The following AASDH variants were observed in gnomAD, a reference collection of about 807,000 sequenced individuals.
AASDH encodes the protein beta-alanine-activating enzyme.
In AASDH, 81 loss-of-function variants were observed where a neutral mutation model predicts 102.3. That is an observed-to-expected ratio of 0.79 (90% confidence interval 0.66 to 0.95). The LOEUF is 0.95. Among genes scored for constraint, AASDH ranks in the 40% least tolerant of loss-of-function variants. The pLI is 0.00. For synonymous variants in AASDH, 398 were observed against 454.0 expected (o/e 0.88, Z 1.57); for missense variants, 1,203 against 1,266.2 (o/e 0.95, Z 0.76).
rs1313013144 is a variant in AASDH at position 56,349,863 on chromosome 4, CTGTT to C, written c.1884_1887del (p.Thr629TrpfsTer7). The C allele has an allele frequency of 6.2e-7, 1 of 1,614,170 alleles. No homozygotes were observed. Among genetic ancestry groups the C allele is most frequent in the Non-Finnish European group, 8.5e-7 (1 of 1,180,040 alleles). ...AATGTCACATCTTCATCTGGAACCA[CTGTT>C]TGAAGGATGTGATTATAAATCTCTA... On this transcript the variant is annotated frameshift_variant, in exon 11 of 15. Transcript: ENST00000205214. LOFTEE classifies it high-confidence loss of function.
At chr4:56,340,445 T>C (rs1246378917) in intron 14 of AASDH, among the ~76,000 whole-genome samples, 1 of 152,208 alleles carries the variant, frequency 6.6e-6, no homozygotes, top group Non-Finnish European at 1.5e-5. Context: ...CTTCAATGAA[T>C]GGTGCTGGGA....
At chr4:56,365,306 T>C (rs1278129160) in intron 5 of AASDH, among the ~76,000 whole-genome samples, 1 of 151,430 alleles carries the variant, frequency 6.6e-6, no homozygotes, top group African/African-American at 2.4e-5. Flanking sequence ...ATTAGACAGA[T>C]CACCGAGACA....
intron 3 of AASDH, among the ~76,000 whole-genome samples, chr4:56,378,889 A>T (rs60785066): frequency 0.023 from 2,410 of 103,026 alleles, 72 homozygotes; most frequent in African/African-American, 0.087. Context: ...TTTTTTATTT[A>T]TTTTTTTTTT....
At chr4:56,343,400 A>T (rs1312385079) in intron 13 of AASDH, among the ~76,000 whole-genome samples, 162 bp downstream of exon 13, 1 of 152,052 alleles carries the variant, frequency 6.6e-6, no homozygotes, top group African/African-American at 2.4e-5. Flanking sequence ...AAATTTTCTT[A>T]TCTTTCTAGA....
chr4:56,366,089 C>T (rs1030281731), intron 5 of AASDH, among the ~76,000 whole-genome samples: 5 of 152,200 alleles, frequency 3.3e-5, no homozygotes, highest in African/African-American at 1.2e-4. Flanking sequence ...ATACTATAAA[C>T]ACCTCTATGC....
chr4:56,359,223 T>C (rs952975294), intron 5 of AASDH, among the ~76,000 whole-genome samples: 3 of 152,022 alleles, frequency 2.0e-5, no homozygotes. Context: ...AGTTGTTTAT[T>C]AAAAAATATA....
chr4:56,354,560 G>C, intron 7 of AASDH, 145 bp downstream of exon 7: 1 of 571,616 alleles, frequency 1.7e-6, no homozygotes. Context: ...TGTAACATTT[G>C]GTATTTCATG....
chr4:56,385,504 T>A (rs546916637), intron 1 of AASDH, among the ~76,000 whole-genome samples: 1 of 152,204 alleles, frequency 6.6e-6, no homozygotes, highest in Non-Finnish European at 1.5e-5. Flanking sequence ...AAATTCACAG[T>A]GTTTCCTTAA....
At chr4:56,368,388 T>G (rs988887370) in intron 5 of AASDH, among the ~76,000 whole-genome samples, 8 of 152,172 alleles carry the variant, frequency 5.3e-5, no homozygotes, top group African/African-American at 1.9e-4. Flanking sequence ...CAAAGGATTA[T>G]AAATCATGCT....
At chr4:56,354,316 A>T (rs978495171) in intron 7 of AASDH, 105 bp from the exon 8 acceptor site, 21 of 1,002,934 alleles carry the variant, frequency 2.1e-5, no homozygotes, top group Non-Finnish European at 2.9e-5. Context: ...TCAAAATTTA[A>T]ATATTAAAAG....
intron 11 of AASDH, among the ~76,000 whole-genome samples, chr4:56,348,081 G>A (rs1352161340): frequency 6.6e-6 from 1 of 151,836 alleles, no homozygotes; most frequent in Non-Finnish European, 1.5e-5. Context: ...AACCCGGGAG[G>A]TGGAGGTTGT....
intron 4 of AASDH, among the ~76,000 whole-genome samples, 199 bp downstream of exon 4, chr4:56,377,949 C>T (rs116472138): frequency 0.013 from 1,949 of 152,260 alleles, 52 homozygotes; most frequent in African/African-American, 0.044. Flanking sequence ...GTATTACAGG[C>T]ACCCACCAAC....
At chr4:56,359,989 T>C (rs1750116419) in intron 5 of AASDH, among the ~76,000 whole-genome samples, 1 of 152,192 alleles carries the variant, frequency 6.6e-6, no homozygotes. Flanking sequence ...AAGTGAATGG[T>C]TGGACAGACA....
Position 56,354,120 on chromosome 4 carries a change from A to G in AASDH, c.1302T>C (p.Asp434=). ...TTCGTCCCAAAAAAAAAATCTCTCCATCTTTCACAGTCACAAAGTCTCCTG... is the reference window on the plus strand; with the variant it reads ...TTCGTCCCAAAAAAAAAATCTCTCCGTCTTTCACAGTCACAAAGTCTCCTG... ...RATGDFVTVK[D]GEIFFLGRKD... The change falls in exon 8 of 15, where the codon GAT becomes GAC. Residue 434 remains aspartate, a synonymous_variant. Transcript: ENST00000205214. 4 of 1,613,408 alleles carry G rather than the reference A, an allele frequency of 2.5e-6. No individual in the cohort carries two copies. Among genetic ancestry groups the G allele is most frequent in the Middle Eastern group, 1.7e-4 (1 of 6,052 alleles).
chr4:56,366,559 G>C (rs1000813746), intron 5 of AASDH, among the ~76,000 whole-genome samples: 1 of 152,134 alleles, frequency 6.6e-6, no homozygotes, highest in Non-Finnish European at 1.5e-5. Flanking sequence ...TGCAAGCCTG[G>C]TTCAATATAT....
intron 8 of AASDH, 84 bp downstream of exon 8, chr4:56,353,955 A>C: frequency 3.1e-6 from 4 of 1,276,734 alleles, no homozygotes; most frequent in Non-Finnish European, 4.2e-6. Flanking sequence ...TGTAAATAAT[A>C]GAGACCCCAG....
chr4:56,341,620 C>T (rs1747704549), intron 14 of AASDH, among the ~76,000 whole-genome samples: 2 of 146,950 alleles, frequency 1.4e-5, no homozygotes, highest in Non-Finnish European at 3.0e-5. Context: ...CCAGGATGGT[C>T]TCGATCTCCT....
At chr4:56,343,050 T>C in intron 13 of AASDH, 84 bp from the exon 14 acceptor site, 1 of 1,291,554 alleles carries the variant, frequency 7.7e-7, no homozygotes, top group East Asian at 3.1e-5. Flanking sequence ...ATACATCTCC[T>C]AGGGTTAGAA....
At chr4:56,375,955 C>T (rs1433876287) in intron 4 of AASDH, among the ~76,000 whole-genome samples, 1 of 151,454 alleles carries the variant, frequency 6.6e-6, no homozygotes, top group Non-Finnish European at 1.5e-5. Context: ...ACTCCTACTA[C>T]TAATTCATTA....
Sources: gnomAD v4.1 joint callset for allele counts (sites outside exome capture counted in the v4.1 genomes callset) on GRCh38, gnomAD v4.1.1 for gene constraint, MANE v1.5 for transcripts, NCBI Gene and HGNC (gene_info 2026-07-23, HGNC 2026-07-21) for gene names.